Variants in GTF3C4 observed in about 807,000 individuals in gnomAD.
GTF3C4 encodes the protein general transcription factor 3C polypeptide 4.
A neutral mutation model predicts 67.5 loss-of-function variants in GTF3C4; 28 were observed. That is an observed-to-expected ratio of 0.41 (90% CI 0.31 to 0.57). GTF3C4 has a LOEUF of 0.57. Ranked by LOEUF, GTF3C4 falls within the 20% of genes least tolerant of loss-of-function variation. GTF3C4 has a pLI of 0.21. For synonymous variants in GTF3C4, 409 were observed against 393.0 expected (o/e 1.04, Z -0.48); for missense variants, 831 against 1,033.2 (o/e 0.80, Z 2.68).
chr9:132,672,755 G>A (rs932403601), intron 1 of GTF3C4, among the ~76,000 whole-genome samples: 8 of 152,210 alleles, frequency 5.3e-5, no homozygotes, highest in African/African-American at 1.9e-4. Flanking sequence ...TAAAAGTGAA[G>A]AGACTGGGCT....
Position 132,679,423 on chromosome 9 carries a change from G to A in GTF3C4, c.1804G>A (p.Glu602Lys), listed in dbSNP as rs757590948. The stretch of plus-strand genomic sequence containing the variant: ...AGAAGCCTTGTGGAAACCCACCCAT[G>A]AGGACTCAAAAATCTTACTAGTGGA... ...PSEALWKPTH[E>K]DSKILLVDSP... The change falls in exon 2 of 5, where the codon GAG (glutamate) becomes AAG (lysine). Residue 602 changes from glutamate to lysine, a missense_variant. This residue lies in a region of GTF3C4 where 75 missense variants were observed against 66.4 expected (regional missense o/e 1.13). Coordinates refer to ENST00000372146, the MANE Select transcript of GTF3C4 (RefSeq NM_012204.4). This position sits in a 1 kb window ranked among gnomAD's most constrained non-coding sequence, Gnocchi z 5.9. 1.2e-5 allele frequency: 19 copies of A among 1,614,162 alleles called. No individual in the cohort carries two copies. The highest frequency in any genetic ancestry group is 1.5e-5 in the Non-Finnish European group (18 of 1,180,036).
At chr9:132,670,995 C>T (rs370946293) in intron 1 of GTF3C4, 40 bp downstream of exon 1, 7 of 1,384,406 alleles carry the variant, frequency 5.1e-6, no homozygotes, top group Non-Finnish European at 7.2e-6. Flanking sequence ...TTCCCCTGTC[C>T]CCCTCTCGCG....
chr9:132,688,584 G>A (rs530996835), intron 4 of GTF3C4, among the ~76,000 whole-genome samples: 9 of 152,054 alleles, frequency 5.9e-5, no homozygotes, highest in Non-Finnish European at 1.0e-4. Flanking sequence ...ACACATTCTC[G>A]GAATATACTC....
At chr9:132,684,512 T>C (rs976038872) in intron 3 of GTF3C4, among the ~76,000 whole-genome samples, 1 of 152,190 alleles carries the variant, frequency 6.6e-6, no homozygotes, top group Admixed American at 6.5e-5. Flanking sequence ...GCTACTTGTT[T>C]CTGATGAGTA....
In GTF3C4 at chr9:132,670,554, A is replaced by C. The variant is rs2130887850; in HGVS notation, c.-45A>C. On this transcript the variant is annotated 5_prime_UTR_variant, in exon 1 of 5. Coordinates refer to ENST00000372146, the MANE Select transcript of GTF3C4 (RefSeq NM_012204.4). Reference sequence around the variant, plus strand: ...CGGCGGTCCGGGAGGTGGTCGCGCGACTGCGTGGAGCGCCAGGGCGTCCGA... The same window carrying C: ...CGGCGGTCCGGGAGGTGGTCGCGCGCCTGCGTGGAGCGCCAGGGCGTCCGA... 2 of 1,334,932 alleles carry C rather than the reference A, an allele frequency of 1.5e-6. No individual in the cohort carries two copies. The highest frequency in any genetic ancestry group is 5.6e-5 in the East Asian group (2 of 35,686). 82.7% of individuals were successfully genotyped at this position (1,334,932 alleles called of 1,614,324 possible).
chr9:132,684,392 C>T lies in GTF3C4; in HGVS notation c.2315+699C>T, dbSNP rs1835994216. On this transcript the variant is annotated intron_variant, in intron 3 of 4. Transcript: ENST00000372146. ...GTCCAAAACACCATCATCTCTTGCCCAGCTTATTACACCTGTAGTTACCTT... is the reference window on the plus strand; with the variant it reads ...GTCCAAAACACCATCATCTCTTGCCTAGCTTATTACACCTGTAGTTACCTT... Among the ~76,000 whole-genome samples, 4 of 152,184 alleles carry T rather than the reference C, an allele frequency of 2.6e-5. No individual in the cohort carries two copies. In the South Asian group the frequency reaches 8.3e-4, roughly 32 times the overall value.
intron 1 of GTF3C4, among the ~76,000 whole-genome samples, chr9:132,675,895 C>CTTTTTTTTTTTTTTTTTTTTT (rs72145516): frequency 1.1e-5 from 1 of 89,042 alleles, no homozygotes; most frequent in African/African-American, 4.7e-5. Context: ...TCCAGTTACC[C>CTTTTTTTTTTTTTTTTTTTTT]TTTTTTTTTT....
intron 4 of GTF3C4, among the ~76,000 whole-genome samples, chr9:132,687,732 C>T (rs1331187426): frequency 1.3e-5 from 2 of 152,170 alleles, no homozygotes. Flanking sequence ...CACTTGGAGT[C>T]ATTCTTCCAG....
intron 1 of GTF3C4, among the ~76,000 whole-genome samples, chr9:132,676,187 C>T (rs1294151355): frequency 6.6e-6 from 1 of 152,052 alleles, no homozygotes; most frequent in African/African-American, 2.4e-5. Flanking sequence ...GCGTGAGCCA[C>T]CACGCCCAGC....
rs551059877 is a variant in GTF3C4 at position 132,670,618 on chromosome 9, C to T, written c.20C>T (p.Ala7Val). 97 of 1,453,724 alleles carry T rather than the reference C, an allele frequency of 6.7e-5. No individual in the cohort carries two copies. In the South Asian group the frequency reaches 1.3e-3, roughly 20 times the overall value. The allele number at this position is 1,453,724 out of a possible 1,614,324, so 90.1% of individuals were successfully genotyped here. A position where few individuals can be genotyped will look rare whatever the true frequency, so the allele number is the denominator to read the frequency against. MNTADQ[A>V]RVGPADDGPA... ...GAGAAGATGAACACGGCCGACCAGG[C>T]CCGGGTGGGGCCCGCGGACGACGGG... Residue 7 changes from alanine to valine, a missense_variant, in exon 1 of 5, where the codon GCC becomes GTC. Transcript: ENST00000372146.
intron 2 of GTF3C4, among the ~76,000 whole-genome samples, chr9:132,682,420 G>A (rs1216386312): frequency 6.6e-6 from 1 of 151,776 alleles, no homozygotes; most frequent in African/African-American, 2.4e-5. Context: ...TCATCCATAA[G>A]AGGTTAAGCA....
intron 1 of GTF3C4, among the ~76,000 whole-genome samples, chr9:132,675,944 G>T (rs1835858804): frequency 8.3e-6 from 1 of 120,850 alleles, no homozygotes. Context: ...TGTTGCCCAG[G>T]CTGGAGTGCA....
intron 2 of GTF3C4, among the ~76,000 whole-genome samples, chr9:132,683,302 TG>T (rs940837291): frequency 8.5e-5 from 13 of 152,324 alleles, no homozygotes; most frequent in African/African-American, 3.1e-4. Flanking sequence ...TTCTCCTTAG[TG>T]GTTACAGTTT....
In GTF3C4 at chr9:132,678,609, C is replaced by T; in HGVS notation, c.990C>T (p.Gly330=). 2 of 1,614,022 alleles carry T rather than the reference C, an allele frequency of 1.2e-6. No homozygotes were observed. ...AGCACAATAATCGAAAAATGAGTGG[C>T]CTTATTGTGGGGAGTGCTTTTGGAC... ...EYEHNNRKMS[G]LIVGSAFGPI... The change falls in exon 2 of 5, where the codon GGC becomes GGT. Residue 330 remains glycine (G), a synonymous_variant. Transcript: ENST00000372146. The surrounding 1 kb of genome is among the most constrained non-coding windows in gnomAD (Gnocchi z 6.5).
In GTF3C4 at chr9:132,670,585, G is replaced by A; in HGVS notation, c.-14G>A. ...TGGAGCGCCAGGGCGTCCGACCTCTGCACCTGAGAGAAGATGAACACGGCC... is the reference window on the plus strand; with the variant it reads ...TGGAGCGCCAGGGCGTCCGACCTCTACACCTGAGAGAAGATGAACACGGCC... On this transcript the variant is annotated 5_prime_UTR_variant, in exon 1 of 5. Coordinates refer to ENST00000372146, the MANE Select transcript of GTF3C4 (RefSeq NM_012204.4). The A allele has an allele frequency of 3.5e-6, 5 of 1,431,692 alleles. No individual in the cohort carries two copies. Among genetic ancestry groups the A allele is most frequent in the African/African-American group, 1.5e-5 (1 of 66,964 alleles). The allele number at this position is 1,431,692 out of a possible 1,614,324, so 88.7% of individuals were successfully genotyped here.
intron 1 of GTF3C4, 78 bp from the exon 2 acceptor site, chr9:132,677,899 C>A: frequency 9.0e-7 from 1 of 1,107,596 alleles, no homozygotes; most frequent in Non-Finnish European, 1.3e-6. Flanking sequence ...TGAATAATGA[C>A]ATTCTGACTT....
At chr9:132,683,223 C>T (rs1420793285) in intron 2 of GTF3C4, among the ~76,000 whole-genome samples, 1 of 152,234 alleles carries the variant, frequency 6.6e-6, no homozygotes, top group African/African-American at 2.4e-5. Flanking sequence ...TCTAACAGAA[C>T]TCTGAAATCC....
rs191211552 is a variant in GTF3C4 at position 132,681,318 on chromosome 9, G to A, written c.2184+1515G>A. Among the ~76,000 whole-genome samples the A allele has an allele frequency of 5.8e-4, 89 of 152,284 alleles. 1 individual carries two copies. Among genetic ancestry groups the A allele is most frequent in the Admixed American group, 2.2e-3 (33 of 15,298 alleles). ...AGCCTGGGAAGTTACATTTAGCATGGTGATGTGATTCCAACATAGCCATTT... is the reference window on the plus strand; with the variant it reads ...AGCCTGGGAAGTTACATTTAGCATGATGATGTGATTCCAACATAGCCATTT... On this transcript the variant is annotated intron_variant, in intron 2 of 4. Transcript: ENST00000372146.
At chr9:132,688,015 C>A (rs1416014774) in intron 4 of GTF3C4, among the ~76,000 whole-genome samples, 1 of 152,234 alleles carries the variant, frequency 6.6e-6, no homozygotes. Context: ...TATAAAACTA[C>A]ATAAATTCTT....
Sources: allele counts gnomAD v4.1 joint callset (sites outside exome capture counted in the v4.1 genomes callset), GRCh38; gene constraint gnomAD v4.1.1; regional missense constraint gnomAD v4.1.1; non-coding constraint Gnocchi (gnomAD v3.1); transcripts MANE v1.5; gene names NCBI Gene and HGNC (gene_info 2026-07-23, HGNC 2026-07-21).